The following HMGN4 variants were observed in gnomAD, a reference collection of about 807,000 sequenced individuals.
The protein encoded by HMGN4 is high mobility group nucleosome-binding domain-containing protein 4.
For missense variants in HMGN4, 69 were observed against 104.9 expected (o/e 0.66, Z 1.49); for synonymous variants, 39 against 39.1 (o/e 1.00, Z 0.01).
rs1052761934 is a variant in HMGN4 at position 26,546,132 on chromosome 6, G to A, written c.*653G>A. 4.2e-5 allele frequency: 7 copies of A among 166,992 alleles called. No homozygotes were observed. Among genetic ancestry groups the A allele is most frequent in the Admixed American group, 6.5e-5 (1 of 15,274 alleles). 10.3% of individuals were successfully genotyped at this position (166,992 alleles called of 1,614,324 possible). On this transcript the variant is annotated 3_prime_UTR_variant, in exon 2 of 2. Coordinates refer to ENST00000377575, the MANE Select transcript of HMGN4 (RefSeq NM_006353.3). ...AACGACATATCTTGTTAACTTTTACGGTGACTTTTGGAGGAGGGGAGTTTG... is the reference window on the plus strand; with the variant it reads ...AACGACATATCTTGTTAACTTTTACAGTGACTTTTGGAGGAGGGGAGTTTG...
At chr6:26,541,310 C>T (rs1449930286) in intron 1 of HMGN4, among the ~76,000 whole-genome samples, 17 of 152,214 alleles carry the variant, frequency 1.1e-4, no homozygotes, top group Non-Finnish European at 1.2e-4. Context: ...GGATTACAGG[C>T]GTGAGCCACC....
chr6:26,545,178 T>C lies in HMGN4; in HGVS notation c.-29T>C. On this transcript the variant is annotated 5_prime_UTR_variant, in exon 2 of 2. Transcript: ENST00000377575. ...GGACAGAAGCACCCAACAGGACTGCTCAAGCCACCTGCGAACACTGCTGCT... is the reference window on the plus strand; with the variant it reads ...GGACAGAAGCACCCAACAGGACTGCCCAAGCCACCTGCGAACACTGCTGCT... The C allele has an allele frequency of 1.9e-6, 3 of 1,567,316 alleles. No homozygotes were observed. Among genetic ancestry groups the C allele is most frequent in the Non-Finnish European group, 2.6e-6 (3 of 1,157,424 alleles).
chr6:26,539,654 G>A (rs67079270), intron 1 of HMGN4, among the ~76,000 whole-genome samples: 363 of 134,772 alleles, frequency 2.7e-3, no homozygotes, highest in East Asian at 4.4e-3. Flanking sequence ...AAAAAAAAAA[G>A]AAAAGAAAAG....
chr6:26,540,341 T>C (rs9467780), intron 1 of HMGN4, among the ~76,000 whole-genome samples: 46 of 134,670 alleles, frequency 3.4e-4, no homozygotes, highest in South Asian at 4.8e-4. Flanking sequence ...TTTTTTTTTT[T>C]CTTTTTTTTT....
chr6:26,539,328 G>A (rs1764257450), intron 1 of HMGN4, among the ~76,000 whole-genome samples: 1 of 152,168 alleles, frequency 6.6e-6, no homozygotes, highest in African/African-American at 2.4e-5. Context: ...TGTTGTCCAG[G>A]CTGGGGTGCA....
rs369265989 is a variant in HMGN4 at position 26,545,478 on chromosome 6, G to T, written c.272G>T (p.Ter91LeuextTer5). 1 of 1,546,106 alleles carries T rather than the reference G, an allele frequency of 6.5e-7. No homozygotes were observed. Among genetic ancestry groups the T allele is most frequent in the Middle Eastern group, 1.7e-4 (1 of 5,724 alleles). The change falls in exon 2 of 2, where the codon TGA becomes TTA. Residue 91 changes from the stop codon to leucine (L), a stop_lost. Coordinates refer to ENST00000377575, the MANE Select transcript of HMGN4 (RefSeq NM_006353.3). The stretch of plus-strand genomic sequence containing the variant: ...GCGGAAGGCACTGGGGATGCCAAGT[G>T]AAATGTACATTTTTGAGAGCTCTGT... ...QKAEGTGDAK[*>L]
rs369376323 is a variant in HMGN4, at chr6:26,543,633, C to T, written c.-80-1494C>T. Among the ~76,000 whole-genome samples the T allele has an allele frequency of 1.8e-3, 257 of 146,310 alleles. 2 individuals carry two copies. The highest frequency in any genetic ancestry group is 3.9e-3 in the African/African-American group (155 of 39,532). ...AAAATTGGCTGGGTATGGTGGCGTG[C>T]GCCTGTAATCCCAGCTACCCAGGAG... On this transcript the variant is annotated intron_variant, in intron 1 of 1. Coordinates refer to ENST00000377575, the MANE Select transcript of HMGN4 (RefSeq NM_006353.3).
Position 26,546,208 on chromosome 6 carries a change from G to A in HMGN4, c.*729G>A, listed in dbSNP as rs1441857483. ...TGCCTATTTCCTGCTGAAAGTAAATGTTTTTAAAAAGTATCATATAAAGCT... is the reference window on the plus strand; with the variant it reads ...TGCCTATTTCCTGCTGAAAGTAAATATTTTTAAAAAGTATCATATAAAGCT... On this transcript the variant is annotated 3_prime_UTR_variant, in exon 2 of 2. Coordinates refer to ENST00000377575, the MANE Select transcript of HMGN4 (RefSeq NM_006353.3). 6.0e-6 allele frequency: 1 copy of A among 167,036 alleles called. No individual in the cohort carries two copies. Among genetic ancestry groups the A allele is most frequent in the Non-Finnish European group, 1.5e-5 (1 of 68,104 alleles). 10.3% of individuals were successfully genotyped at this position (167,036 alleles called of 1,614,324 possible).
Position 26,545,189 on chromosome 6 carries a change from G to C in HMGN4, c.-18G>C. The C allele has an allele frequency of 6.3e-7, 1 of 1,583,574 alleles. No homozygotes were observed. The highest frequency in any genetic ancestry group is 1.2e-5 in the South Asian group (1 of 86,088). The stretch of plus-strand genomic sequence containing the variant: ...CCCAACAGGACTGCTCAAGCCACCT[G>C]CGAACACTGCTGCTACCATGCCCAA... On this transcript the variant is annotated 5_prime_UTR_variant, in exon 2 of 2. Coordinates refer to ENST00000377575, the MANE Select transcript of HMGN4 (RefSeq NM_006353.3).
chr6:26,539,649 A>AAAAG (rs1026312915), intron 1 of HMGN4, among the ~76,000 whole-genome samples: 1 of 144,040 alleles, frequency 6.9e-6, no homozygotes, highest in Non-Finnish European at 1.5e-5. Context: ...AAAAAAAAAA[A>AAAAG]AAAAGAAAAG....
At position 26,545,274 on chromosome 6, in the gene HMGN4, G is replaced by A. The variant is rs1441301279; in HGVS notation, c.68G>A (p.Arg23Lys). 1.2e-6 allele frequency: 2 copies of A among 1,614,144 alleles called. No individual in the cohort carries two copies. The highest frequency in any genetic ancestry group is 1.7e-6 in the Non-Finnish European group (2 of 1,180,014). Reference sequence around the variant, plus strand: ...GCAAAGGTGAAGGATGAGCCACAGAGGAGATCAGCTCGGTTGTCTGCTAAA... The same window carrying A: ...GCAAAGGTGAAGGATGAGCCACAGAAGAGATCAGCTCGGTTGTCTGCTAAA... The part of the protein sequence containing the change: ...DKAKVKDEPQ[R>K]RSARLSAKPA... The change falls in exon 2 of 2, where the codon AGG becomes AAG. Residue 23 changes from arginine to lysine, a missense_variant. Coordinates refer to ENST00000377575, the MANE Select transcript of HMGN4 (RefSeq NM_006353.3).
In HMGN4 at chr6:26,542,695, G is replaced by T. The variant is rs1292449504; in HGVS notation, c.-80-2432G>T. On this transcript the variant is annotated intron_variant, in intron 1 of 1. Coordinates refer to ENST00000377575, the MANE Select transcript of HMGN4 (RefSeq NM_006353.3). This position sits in a 1 kb window ranked among gnomAD's most constrained non-coding sequence, Gnocchi z 4.6. ...TTTGTAAGGTCTCTAGAGAGTCAGTGACCTGGTCTCCTAATCAGCTTCCTA... is the reference window on the plus strand; with the variant it reads ...TTTGTAAGGTCTCTAGAGAGTCAGTTACCTGGTCTCCTAATCAGCTTCCTA... 6.6e-6 allele frequency among the ~76,000 whole-genome samples: 1 copy of T among 152,142 alleles called. No homozygotes were observed. The highest frequency in any genetic ancestry group is 1.5e-5 in the Non-Finnish European group (1 of 68,028).
At chr6:26,543,932 A>T (rs1272322759) in intron 1 of HMGN4, among the ~76,000 whole-genome samples, 1 of 152,130 alleles carries the variant, frequency 6.6e-6, no homozygotes, top group East Asian at 1.9e-4. Flanking sequence ...GCTTTAAAAA[A>T]GTCACACAGT....
In HMGN4 at chr6:26,545,169, C is replaced by G. The variant is rs777027295; in HGVS notation, c.-38C>G. The G allele has an allele frequency of 5.9e-5, 91 of 1,542,022 alleles. No homozygotes were observed. Among genetic ancestry groups the G allele is most frequent in the Middle Eastern group, 1.7e-4 (1 of 5,752 alleles). On this transcript the variant is annotated 5_prime_UTR_variant, in exon 2 of 2. Transcript: ENST00000377575. ...GCGTGAGGAGGACAGAAGCACCCAA[C>G]AGGACTGCTCAAGCCACCTGCGAAC...
chr6:26,541,663 T>A (rs1004356274), intron 1 of HMGN4, among the ~76,000 whole-genome samples: 1 of 152,158 alleles, frequency 6.6e-6, no homozygotes, highest in African/African-American at 2.4e-5. Flanking sequence ...GTTTTTTTTT[T>A]AAAGCTATTT....
chr6:26,539,631 A>G, intron 1 of HMGN4, among the ~76,000 whole-genome samples: 1 of 26,168 alleles, frequency 3.8e-5, no homozygotes, highest in African/African-American at 1.9e-4. Flanking sequence ...GGGTCCGCAA[A>G]ATTAAAAAAA....
intron 1 of HMGN4, among the ~76,000 whole-genome samples, chr6:26,543,177 G>T (rs1371740261): frequency 1.3e-5 from 2 of 152,064 alleles, no homozygotes; most frequent in African/African-American, 4.8e-5. Context: ...TAGGGCAACA[G>T]GTATAAATCA....
At position 26,546,413 on chromosome 6, in the gene HMGN4, T is replaced by C. The variant is rs1764351006; in HGVS notation, c.*934T>C. The stretch of plus-strand genomic sequence containing the variant: ...TTAACATTTTTCATATTCGAAGTGG[T>C]TGTCTCTGCACTATTTACTGAAAAG... On this transcript the variant is annotated 3_prime_UTR_variant, in exon 2 of 2. Transcript: ENST00000377575. Among the ~76,000 whole-genome samples the C allele has an allele frequency of 6.6e-6, 1 of 152,240 alleles. No homozygotes were observed. Among genetic ancestry groups the C allele is most frequent in the African/African-American group, 2.4e-5 (1 of 41,464 alleles).
At chr6:26,539,438 T>G (rs985852770) in intron 1 of HMGN4, among the ~76,000 whole-genome samples, 2 of 151,908 alleles carry the variant, frequency 1.3e-5, no homozygotes, top group Non-Finnish European at 2.9e-5. Context: ...CCCGGATAAT[T>G]TTTGTATTTT....
Sources: gnomAD v4.1 joint callset for allele counts (sites outside exome capture counted in the v4.1 genomes callset) on GRCh38, gnomAD v4.1.1 for gene constraint, Gnocchi (gnomAD v3.1) non-coding constraint, MANE v1.5 for transcripts, NCBI Gene and HGNC (gene_info 2026-07-23, HGNC 2026-07-21) for gene names.